Variants in PRRG1 observed in about 807,000 individuals in gnomAD.
PRRG1 encodes transmembrane gamma-carboxyglutamic acid protein 1.
In PRRG1, 5 loss-of-function variants were observed where a neutral mutation model predicts 11.8. The ratio of observed to expected loss-of-function variants is 0.42; its 90% confidence interval spans 0.22 to 0.89. PRRG1 has a LOEUF of 0.89. Among genes scored for constraint, PRRG1 ranks in the 40% least tolerant of loss-of-function variants. The pLI is 0.28. For missense variants in PRRG1, 155 were observed against 166.1 expected (o/e 0.93, Z 0.37); for synonymous variants, 66 against 60.4 (o/e 1.09, Z -0.43).
At chrX:37,411,946 T>C (rs1285803752) in intron 2 of PRRG1, among the ~76,000 whole-genome samples, 1 of 111,977 alleles carries the variant, frequency 8.9e-6, no homozygotes, top group Non-Finnish European at 1.9e-5. Flanking sequence ...CTTAGGATTT[T>C]TTTTTTCTGT....
At chrX:37,393,541 C>T (rs1469507259) in intron 1 of PRRG1, among the ~76,000 whole-genome samples, 1 of 111,396 alleles carries the variant, frequency 9.0e-6, no homozygotes, top group Non-Finnish European at 1.9e-5. Context: ...TGGTTTCCCA[C>T]TGCATTTACA....
At chrX:37,443,924 G>C (rs1933029524) in intron 3 of PRRG1, among the ~76,000 whole-genome samples, 1 of 111,760 alleles carries the variant, frequency 8.9e-6, no homozygotes, top group Non-Finnish European at 1.9e-5. Context: ...AAAACATTTT[G>C]TTCCTTCAGT....
rs967702910 is a variant in PRRG1 at position 37,441,871 on chromosome X, G to A, written c.172-11265G>A. The A allele has an allele frequency of 1.2e-5, 9 of 776,647 alleles. No homozygotes were observed. The African/African-American group carries it at 1.8e-4, about 16-fold the overall frequency. 64.0% of individuals were successfully genotyped at this position (776,647 alleles called of 1,213,427 possible). A position where few individuals can be genotyped will look rare whatever the true frequency, so the allele number is the denominator to read the frequency against. On this transcript the variant is annotated intron_variant, in intron 3 of 3. Coordinates refer to ENST00000378628, the MANE Select transcript of PRRG1 (RefSeq NM_001142395.2). ...GAAGAGTGTCAACCAGAGCCTCCTGGAGCTACACCAGCTGGCCATGGAGAA... is the reference window on the plus strand; with the variant it reads ...GAAGAGTGTCAACCAGAGCCTCCTGAAGCTACACCAGCTGGCCATGGAGAA...
At position 37,425,820 on chromosome X, in the gene PRRG1, ATACT is replaced by A. The variant is rs782300831; in HGVS notation, c.11-17_11-14del. The A allele has an allele frequency of 1.7e-6, 2 of 1,152,155 alleles. No individual in the cohort carries two copies. The highest frequency in any genetic ancestry group is 2.3e-6 in the Non-Finnish European group (2 of 861,064). 95.0% of individuals were successfully genotyped at this position (1,152,155 alleles called of 1,213,427 possible). ...TATCAACTTGCCACATAGGTTTTTTATACTTATATTTCTTTTTAGTTTTCCTCAC... is the reference window on the plus strand; with the variant it reads ...TATCAACTTGCCACATAGGTTTTTTATATATTTCTTTTTAGTTTTCCTCAC... On this transcript the variant is annotated splice_polypyrimidine_tract_variant and intron_variant, in intron 2 of 3. Transcript: ENST00000378628.
intron 2 of PRRG1, among the ~76,000 whole-genome samples, chrX:37,411,877 G>A (rs971058240): frequency 2.7e-5 from 3 of 111,917 alleles, no homozygotes; most frequent in African/African-American, 9.7e-5. Context: ...ATAGCTTAAT[G>A]ATTGCAATCA....
At chrX:37,418,325 A>G (rs1329817600) in intron 2 of PRRG1, among the ~76,000 whole-genome samples, 4 of 112,254 alleles carry the variant, frequency 3.6e-5, no homozygotes, top group Non-Finnish European at 5.6e-5. Flanking sequence ...GACAAACAGA[A>G]GGCTCGAATA....
intron 3 of PRRG1, among the ~76,000 whole-genome samples, chrX:37,436,265 A>G (rs1382783612): frequency 8.9e-6 from 1 of 111,770 alleles, no homozygotes; most frequent in Non-Finnish European, 1.9e-5. Context: ...TTCTGCCGCC[A>G]AGTTGCTGCT....
intron 3 of PRRG1, among the ~76,000 whole-genome samples, chrX:37,434,463 T>G (rs1039972676): frequency 1.2e-4 from 13 of 111,990 alleles, no homozygotes; most frequent in African/African-American, 4.2e-4. Flanking sequence ...CTGTAAACCT[T>G]AAATATACCC....
chrX:37,382,511 C>A (rs1931183350), intron 1 of PRRG1, among the ~76,000 whole-genome samples: 1 of 111,099 alleles, frequency 9.0e-6, no homozygotes, highest in Non-Finnish European at 1.9e-5. Context: ...TTAAAGGCTG[C>A]ATAATTTTCC....
chrX:37,405,508 G>A (rs1932158780), intron 1 of PRRG1, among the ~76,000 whole-genome samples: 2 of 110,609 alleles, frequency 1.8e-5, no homozygotes, highest in South Asian at 7.7e-4. Flanking sequence ...AGAAAATGAA[G>A]CATTATGATA....
chrX:37,358,560 C>G (rs1306313601), intron 1 of PRRG1, among the ~76,000 whole-genome samples: 3 of 110,984 alleles, frequency 2.7e-5, no homozygotes, highest in African/African-American at 9.8e-5. Flanking sequence ...CCTCTCTATT[C>G]TGTTACATTT....
intron 1 of PRRG1, among the ~76,000 whole-genome samples, chrX:37,354,693 G>A (rs1331059300): frequency 9.0e-6 from 1 of 110,657 alleles, no homozygotes; most frequent in African/African-American, 3.3e-5. Context: ...ACGCCCGGCC[G>A]GTAGTGCTTT....
intron 1 of PRRG1, among the ~76,000 whole-genome samples, chrX:37,394,639 A>G (rs782632400): frequency 9.0e-6 from 1 of 111,721 alleles, no homozygotes; most frequent in Non-Finnish European, 1.9e-5. Flanking sequence ...AGAGCTAGAT[A>G]TAATTGAATC....
Position 37,453,453 on chromosome X carries a change from G to A in PRRG1, c.489G>A (p.Leu163=). The A allele has an allele frequency of 8.3e-7, 1 of 1,209,814 alleles. No homozygotes were observed. Among genetic ancestry groups the A allele is most frequent in the Non-Finnish European group, 1.1e-6 (1 of 895,036 alleles). Residue 163 remains leucine, a synonymous_variant, in exon 4 of 4, where the codon CTG becomes CTA. Coordinates refer to ENST00000378628, the MANE Select transcript of PRRG1 (RefSeq NM_001142395.2). The stretch of plus-strand genomic sequence containing the variant: ...GCTCAGATTCCGTCTCTACTCGCCT[G>A]TCCAATTGTGATCCCCCGCCAACCT... ...VGRSDSVSTR[L]SNCDPPPTYE...
chrX:37,420,923 ACT>A (rs1391893010), intron 2 of PRRG1, among the ~76,000 whole-genome samples: 1 of 110,556 alleles, frequency 9.0e-6, no homozygotes, highest in Non-Finnish European at 1.9e-5. Context: ...CAAACCACAA[ACT>A]CACACACCCA....
chrX:37,415,218 G>C, intron 2 of PRRG1, among the ~76,000 whole-genome samples: 1 of 111,766 alleles, frequency 8.9e-6, no homozygotes, highest in Admixed American at 9.5e-5. Flanking sequence ...AGACCAGCCT[G>C]ACCAACATGG....
At chrX:37,400,960 A>G in intron 1 of PRRG1, among the ~76,000 whole-genome samples, 1 of 111,156 alleles carries the variant, frequency 9.0e-6, no homozygotes, top group Non-Finnish European at 1.9e-5. Context: ...TGAATAGACC[A>G]ATAACAGGCT....
chrX:37,391,921 C>A (rs782419733), intron 1 of PRRG1, among the ~76,000 whole-genome samples: 22 of 110,758 alleles, frequency 2.0e-4, no homozygotes, highest in African/African-American at 7.2e-4. Context: ...AAAGAGAATT[C>A]TCTTACTGTT....
intron 2 of PRRG1, among the ~76,000 whole-genome samples, chrX:37,407,982 G>T (rs1932231192): frequency 8.9e-6 from 1 of 111,955 alleles, no homozygotes; most frequent in Non-Finnish European, 1.9e-5. Flanking sequence ...AATTGATTAG[G>T]CCTAGCTATT....
Sources: allele counts gnomAD v4.1 joint callset (sites outside exome capture counted in the v4.1 genomes callset), GRCh38; gene constraint gnomAD v4.1.1; transcripts MANE v1.5; gene names NCBI Gene and HGNC (gene_info 2026-07-23, HGNC 2026-07-21).